DAB1: variants seen among roughly 807,000 people sequenced by gnomAD.
DAB1 encodes disabled homolog 1.
Under a neutral mutation model 64.6 loss-of-function variants are expected in DAB1, and 15 were observed. The observed-to-expected ratio is 0.23, with a 90% confidence interval of 0.16 to 0.36. The LOEUF is 0.36. Among genes scored for constraint, DAB1 ranks in the 10% least tolerant of loss-of-function variants. DAB1 has a pLI of 1.00. For missense variants in DAB1, 596 were observed against 706.7 expected (o/e 0.84, Z 1.78); for synonymous variants, 235 against 251.9 (o/e 0.93, Z 0.64).
intron 5 of DAB1, among the ~76,000 whole-genome samples, chr1:57,901,387 G>A (rs997788103): frequency 6.6e-6 from 1 of 152,120 alleles, no homozygotes; most frequent in Admixed American, 6.6e-5. Flanking sequence ...CTAGGAAGAC[G>A]AGGTGCTGGG....
chr1:58,142,737 C>T (rs1654358463), intron 5 of DAB1, among the ~76,000 whole-genome samples: 1 of 152,240 alleles, frequency 6.6e-6, no homozygotes, highest in South Asian at 2.1e-4. Flanking sequence ...CGTTCTCATG[C>T]TTCAAGGCCT....
chr1:57,226,672 A>AAAAAAAAAATATAT (rs747021990), intron 2 of DAB1, among the ~76,000 whole-genome samples: 1 of 136,016 alleles, frequency 7.4e-6, no homozygotes, highest in African/African-American at 3.1e-5. Flanking sequence ...TTAAAAAAAA[A>AAAAAAAAAATATAT]ATATATATAT....
intron 2 of DAB1, among the ~76,000 whole-genome samples, chr1:57,185,998 C>T (rs997400183): frequency 1.3e-5 from 2 of 152,120 alleles, no homozygotes; most frequent in East Asian, 3.9e-4. Flanking sequence ...TGTCCATTAA[C>T]TGTTTGGTTT....
At chr1:58,404,741 C>G (rs767861967) in intron 3 of DAB1, among the ~76,000 whole-genome samples, 5 of 152,134 alleles carry the variant, frequency 3.3e-5, no homozygotes, top group Non-Finnish European at 5.9e-5. Flanking sequence ...CTAACCCTTT[C>G]CACTGTTAAG....
chr1:58,422,602 ATTTTT>A (rs36063995), intron 3 of DAB1, among the ~76,000 whole-genome samples: 2 of 128,220 alleles, frequency 1.6e-5, no homozygotes, highest in African/African-American at 3.0e-5. Flanking sequence ...CAGGAGGCAA[ATTTTT>A]TTTTTTTTTT....
At chr1:58,208,122 A>G (rs1658373192) in intron 4 of DAB1, among the ~76,000 whole-genome samples, 2 of 152,096 alleles carry the variant, frequency 1.3e-5, no homozygotes, top group Admixed American at 1.3e-4. Flanking sequence ...AACTGCCCCC[A>G]TGATTCAATT....
At position 57,285,000 on chromosome 1, in the gene DAB1, C is replaced by A. The variant is rs370526762; in HGVS notation, c.67+5964G>T. Among the ~76,000 whole-genome samples, 109 of 152,256 alleles carry A rather than the reference C, an allele frequency of 7.2e-4. 1 individual carries two copies. Among genetic ancestry groups the A allele is most frequent in the African/African-American group, 2.5e-3 (104 of 41,542 alleles). On this transcript the variant is annotated intron_variant, in intron 2 of 14. Coordinates refer to ENST00000371236, the MANE Select transcript of DAB1 (RefSeq NM_001365792.1). ...CCCATTAAAGCCTTGATTCTTGGAG[C>A]CAAAATTCTCCTGGGAGAAAATATG...
chr1:57,743,008 G>A (rs1283720221), intron 6 of DAB1, among the ~76,000 whole-genome samples: 1 of 152,222 alleles, frequency 6.6e-6, no homozygotes, highest in East Asian at 1.9e-4. Flanking sequence ...TGTAGACATC[G>A]GTTATTGGTG....
At chr1:57,589,227 CA>C (rs1300945681) in intron 7 of DAB1, among the ~76,000 whole-genome samples, 1 of 151,484 alleles carries the variant, frequency 6.6e-6, no homozygotes, top group Non-Finnish European at 1.5e-5. Flanking sequence ...TCTCAAAAAA[CA>C]AAAAACAAAC....
intron 1 of DAB1, among the ~76,000 whole-genome samples, chr1:57,420,077 C>T (rs955939207): frequency 1.3e-5 from 2 of 152,212 alleles, no homozygotes; most frequent in Admixed American, 6.5e-5. Context: ...ATAGAAACTG[C>T]CACAGAGTCA....
At chr1:58,363,042 T>C (rs1644182440) in intron 3 of DAB1, among the ~76,000 whole-genome samples, 1 of 152,344 alleles carries the variant, frequency 6.6e-6, no homozygotes, top group Admixed American at 6.5e-5. Context: ...TCAAGCTCTC[T>C]GCTGTCTCTT....
At chr1:57,210,846 CTATGCATGTG>C (rs549100064) in intron 2 of DAB1, among the ~76,000 whole-genome samples, 55 of 152,260 alleles carry the variant, frequency 3.6e-4, no homozygotes, top group African/African-American at 1.3e-3. Flanking sequence ...TTTTCACTGC[CTATGCATGTG>C]TATGCATGTA....
In DAB1 at chr1:57,071,657, G is replaced by A. The variant is rs1005366801; in HGVS notation, c.439-16C>T. On this transcript the variant is annotated splice_polypyrimidine_tract_variant and intron_variant, in intron 5 of 14. Transcript: ENST00000371236. ...CAGGTTCAGCCTGGGATGAAAGGTAGTAAGGCACATCATAAGGGAATGGTA... is the reference window on the plus strand; with the variant it reads ...CAGGTTCAGCCTGGGATGAAAGGTAATAAGGCACATCATAAGGGAATGGTA... 6.2e-7 allele frequency: 1 copy of A among 1,611,612 alleles called. No homozygotes were observed. The highest frequency in any genetic ancestry group is 1.1e-5 in the South Asian group (1 of 90,856).
At chr1:58,061,769 T>TCCCCATAGGGTTTATTGCA (rs1553156763) in intron 5 of DAB1, among the ~76,000 whole-genome samples, 1 of 151,090 alleles carries the variant, frequency 6.6e-6, no homozygotes, top group African/African-American at 2.4e-5. Context: ...AGCTTTAGTA[T>TCCCCATAGGGTTTATTGCA]CCCCATAGGG....
chr1:58,304,465 T>C (rs948951959), intron 4 of DAB1, among the ~76,000 whole-genome samples: 1 of 152,194 alleles, frequency 6.6e-6, no homozygotes, highest in Non-Finnish European at 1.5e-5. Flanking sequence ...ATAATCGTTA[T>C]GAAGTAGGAA....
At chr1:58,464,040 G>A (rs1246961304) in intron 3 of DAB1, among the ~76,000 whole-genome samples, 1 of 152,240 alleles carries the variant, frequency 6.6e-6, no homozygotes, top group Admixed American at 6.5e-5. Context: ...TGAACGACAG[G>A]AGGTGCAGAG....
chr1:57,692,278 T>G (rs576441927), intron 6 of DAB1, among the ~76,000 whole-genome samples: 2 of 152,226 alleles, frequency 1.3e-5, no homozygotes, highest in South Asian at 4.1e-4. Context: ...TCTCTGGTGC[T>G]TTTCTAGCCA....
At chr1:57,375,111 G>A (rs569138816) in intron 1 of DAB1, among the ~76,000 whole-genome samples, 4 of 152,212 alleles carry the variant, frequency 2.6e-5, no homozygotes, top group Admixed American at 2.0e-4. Context: ...GCAACTGATG[G>A]AGACAAAGGA....
intron 9 of DAB1, among the ~76,000 whole-genome samples, chr1:57,029,993 G>A (rs186230636): frequency 6.6e-6 from 1 of 152,274 alleles, no homozygotes; most frequent in African/African-American, 2.4e-5. Flanking sequence ...ATGAGATTTG[G>A]AGGGGCCAGG....
Sources: gnomAD v4.1 joint callset for allele counts (sites outside exome capture counted in the v4.1 genomes callset) on GRCh38, gnomAD v4.1.1 for gene constraint, MANE v1.5 for transcripts, NCBI Gene and HGNC (gene_info 2026-07-23, HGNC 2026-07-21) for gene names.